Variants in AMDHD1 observed in about 807,000 individuals in gnomAD.
The protein encoded by AMDHD1 is amidohydrolase domain containing 1.
In AMDHD1, 45 loss-of-function variants were observed where a neutral mutation model predicts 44.1. That is an observed-to-expected ratio of 1.02 (90% CI 0.80 to 1.31). The LOEUF is 1.31. Ranked by LOEUF, AMDHD1 falls within the 50% of genes most tolerant of loss-of-function variation. AMDHD1 has a pLI of 0.00. For synonymous variants in AMDHD1, 206 were observed against 205.0 expected, an observed-to-expected ratio of 1.00 and a Z score of -0.04; for missense variants, 586 against 552.1, an observed-to-expected ratio of 1.06 and a Z score of -0.61.
chr12:95,964,761 G>A (rs955072170), intron 6 of AMDHD1, among the ~76,000 whole-genome samples: 1 of 151,794 alleles, frequency 6.6e-6, no homozygotes, highest in Non-Finnish European at 1.5e-5. Flanking sequence ...CGAGCTTTTA[G>A]GCTTTGTTTA....
At chr12:95,957,064 A>T in intron 4 of AMDHD1, 102 bp downstream of exon 4, 4 of 1,508,610 alleles carry the variant, frequency 2.7e-6, no homozygotes, top group Non-Finnish European at 3.6e-6. Context: ...GGAGATGGAT[A>T]GAAGTCTTTG....
At chr12:95,961,593 G>A (rs557946933) in intron 5 of AMDHD1, among the ~76,000 whole-genome samples, 15 of 152,232 alleles carry the variant, frequency 9.9e-5, no homozygotes, top group African/African-American at 2.6e-4. Flanking sequence ...TGATCTCTTC[G>A]TATTTCTTCC....
chr12:95,953,842 A>G (rs958295925), intron 2 of AMDHD1, among the ~76,000 whole-genome samples: 1 of 152,112 alleles, frequency 6.6e-6, no homozygotes, highest in African/African-American at 2.4e-5. Flanking sequence ...CGGTCTCCCA[A>G]AGTGCTGGTA....
intron 1 of AMDHD1, among the ~76,000 whole-genome samples, chr12:95,944,167 T>C (rs1327303546): frequency 1.3e-5 from 2 of 152,000 alleles, no homozygotes; most frequent in Non-Finnish European, 2.9e-5. Flanking sequence ...GAGGGCGACC[T>C]GGGGTAGCAA....
chr12:95,954,573 T>TAAATAAACA (rs573443192), intron 2 of AMDHD1, among the ~76,000 whole-genome samples: 2 of 147,096 alleles, frequency 1.4e-5, no homozygotes, highest in African/African-American at 5.1e-5. Flanking sequence ...TTCTCAAAAA[T>TAAATAAACA]AAATAAAATA....
In AMDHD1 at chr12:95,951,583, C is replaced by T. The variant is rs183620784; in HGVS notation, c.138-1134C>T. On this transcript the variant is annotated intron_variant, in intron 1 of 8. Coordinates refer to ENST00000266736, the MANE Select transcript of AMDHD1 (RefSeq NM_152435.3). The stretch of plus-strand genomic sequence containing the variant: ...AGACATCTCTTTAATATACTGACTT[C>T]CTTTCTTTTGCATATAGATCTACCA... Among the ~76,000 whole-genome samples, 665 of 152,270 alleles carry T rather than the reference C, an allele frequency of 4.4e-3. 2 individuals carry two copies. Among genetic ancestry groups the T allele is most frequent in the Middle Eastern group, 0.014 (4 of 294 alleles).
At chr12:95,960,302 T>G (rs2080574237) in intron 4 of AMDHD1, 96 bp from the exon 5 acceptor site, 2 of 1,037,486 alleles carry the variant, frequency 1.9e-6, no homozygotes, top group Non-Finnish European at 2.8e-6. Flanking sequence ...GTCATTTACC[T>G]CTACTGCTCC....
chr12:95,952,757 C>G lies in AMDHD1; in HGVS notation c.178C>G (p.Gln60Glu). ...AGCTATTGGTCCTGCTGATGTTATT[C>G]AAAGACAGTTTTCTGGAGAAACTTT... ...IKAIGPADVI[Q>E]RQFSGETFEE... The change falls in exon 2 of 9, where the codon CAA (glutamine) becomes GAA (glutamate). Residue 60 changes from glutamine (Q) to glutamate (E), a missense_variant. By Grantham distance (29) the Gln-to-Glu change is conservative. Transcript: ENST00000266736. 6.2e-7 allele frequency: 1 copy of G among 1,612,904 alleles called. No homozygotes were observed. Among genetic ancestry groups the G allele is most frequent in the African/African-American group, 1.3e-5 (1 of 75,020 alleles).
At chr12:95,959,619 T>A in intron 4 of AMDHD1, among the ~76,000 whole-genome samples, 1 of 151,316 alleles carries the variant, frequency 6.6e-6, no homozygotes, top group East Asian at 2.0e-4. Flanking sequence ...ACTATCCTCC[T>A]CCCCCATACC....
chr12:95,964,750 A>T (rs7976358), intron 6 of AMDHD1, among the ~76,000 whole-genome samples: 17,469 of 152,032 alleles, frequency 0.11, 1,335 homozygotes, highest in Non-Finnish European at 0.18. Flanking sequence ...CATTGCTTTA[A>T]CGAGCTTTTA....
intron 2 of AMDHD1, among the ~76,000 whole-genome samples, chr12:95,954,476 G>A (rs1406333164): frequency 6.6e-6 from 1 of 152,022 alleles, no homozygotes; most frequent in African/African-American, 2.4e-5. Flanking sequence ...GCTGAGGTGG[G>A]AGGATTGCTT....
intron 1 of AMDHD1, among the ~76,000 whole-genome samples, chr12:95,946,159 C>A (rs1276821391): frequency 6.6e-6 from 1 of 151,608 alleles, no homozygotes; most frequent in Non-Finnish European, 1.5e-5. Context: ...ATCCAGTTGA[C>A]AATTGTCCCA....
chr12:95,946,209 AAAAC>A (rs922961841), intron 1 of AMDHD1, among the ~76,000 whole-genome samples: 7 of 152,298 alleles, frequency 4.6e-5, no homozygotes, highest in African/African-American at 1.4e-4. Flanking sequence ...CTAAATGAAC[AAAAC>A]AAACAGGAAT....
chr12:95,965,899 A>T, intron 7 of AMDHD1, 120 bp downstream of exon 7: 1 of 737,676 alleles, frequency 1.4e-6, no homozygotes, highest in South Asian at 2.6e-5. Flanking sequence ...TTTCTGTGAA[A>T]CAAGAAAAAA....
chr12:95,950,617 G>A (rs2080521633), intron 1 of AMDHD1, among the ~76,000 whole-genome samples: 1 of 152,178 alleles, frequency 6.6e-6, no homozygotes. Flanking sequence ...ATACTCCATG[G>A]GGTCCTTAGG....
At position 95,967,822 on chromosome 12, in the gene AMDHD1, A is replaced by C. The variant is rs765354044; in HGVS notation, c.1260A>C (p.Gly420=). 2.5e-6 allele frequency: 4 copies of C among 1,597,964 alleles called. No individual in the cohort carries two copies. The highest frequency in any genetic ancestry group is 3.4e-6 in the Non-Finnish European group (4 of 1,173,132). Residue 420 remains glycine, a synonymous_variant, in exon 9 of 9, where the codon GGA becomes GGC. Coordinates refer to ENST00000266736, the MANE Select transcript of AMDHD1 (RefSeq NM_152435.3). Reference sequence around the variant, plus strand: ...TAATTGAATATGTTATAGCTAAAGGAAAACTCATCTATAAAACATGATAGA... The same window carrying C: ...TAATTGAATATGTTATAGCTAAAGGCAAACTCATCTATAAAACATGATAGA... ...HELIEYVIAK[G]KLIYKT is the part of the protein sequence containing the mutation.
At chr12:95,959,723 A>G (rs2080570158) in intron 4 of AMDHD1, among the ~76,000 whole-genome samples, 1 of 150,424 alleles carries the variant, frequency 6.6e-6, no homozygotes. Flanking sequence ...AGGTAAGGGG[A>G]CCACAGGTGG....
chr12:95,961,224 C>T (rs2080580261), intron 5 of AMDHD1, among the ~76,000 whole-genome samples: 1 of 151,948 alleles, frequency 6.6e-6, no homozygotes, highest in Non-Finnish European at 1.5e-5. Flanking sequence ...TTGCTTGGCA[C>T]ACAAAGCCAC....
rs998164456 is a variant in AMDHD1, at chr12:95,954,910, G to A, written c.245-1G>A. 6.2e-6 allele frequency: 10 copies of A among 1,613,982 alleles called. No homozygotes were observed. The highest frequency in any genetic ancestry group is 8.5e-6 in the Non-Finnish European group (10 of 1,179,912). On this transcript the variant is annotated splice_acceptor_variant, in intron 2 of 8. Coordinates refer to ENST00000266736, the MANE Select transcript of AMDHD1 (RefSeq NM_152435.3). LOFTEE classifies it high-confidence loss of function. ...AAGATAACTTGATTTATTGATTATA[G>A]GTTTGGTGGATGCACACACACATCC...
Sources: gnomAD v4.1 joint callset for allele counts (sites outside exome capture counted in the v4.1 genomes callset) on GRCh38, gnomAD v4.1.1 for gene constraint, MANE v1.5 for transcripts, NCBI Gene and HGNC (gene_info 2026-07-23, HGNC 2026-07-21) for gene names.